Variants in HOXC5 observed in about 807,000 individuals in gnomAD.
HOXC5 encodes homeobox C5.
HOXC5 carries 19 observed loss-of-function variants against 20.1 expected under a neutral mutation model. The observed-to-expected ratio is 0.94, with a 90% CI of 0.66 to 1.38. The LOEUF is 1.38. HOXC5 is among the 40% of genes most tolerant of loss of function. HOXC5 has a pLI of 0.00. For synonymous variants in HOXC5, 124 were observed against 117.0 expected (o/e 1.06, Z -0.39); for missense variants, 330 against 300.1 (o/e 1.10, Z -0.74).
upstream of HOXC5, chr12:54,028,994 G>T: frequency 6.9e-7 from 1 of 1,443,888 alleles, no homozygotes; most frequent in South Asian, 1.3e-5. Context: ...CTAGAAGAAC[G>T]GGCGGAGAGA....
At chr12:54,023,735 C>T in the HOXC5 span, among the ~76,000 whole-genome samples, 2 of 152,216 alleles carry the variant, frequency 1.3e-5, no homozygotes, top group Admixed American at 6.5e-5. Context: ...TTTCACTTCT[C>T]TCCATGCCTA....
At chr12:54,021,941 T>G in the HOXC5 span, 1 of 152,226 alleles carries the variant, frequency 6.6e-6, no homozygotes, top group East Asian at 1.9e-4. Flanking sequence ...CCTCACAAGC[T>G]CCTGCATTCT....
At chr12:54,026,504 C>T in the HOXC5 span, among the ~76,000 whole-genome samples, 1 of 152,182 alleles carries the variant, frequency 6.6e-6, no homozygotes, top group Admixed American at 6.5e-5. Context: ...ACCCTTTCCC[C>T]TTCATTTCCT....
chr12:54,032,007 G>A (rs1941004972), upstream of HOXC5, among the ~76,000 whole-genome samples: 2 of 152,278 alleles, frequency 1.3e-5, no homozygotes, highest in Middle Eastern at 6.8e-3. Context: ...CCATGCTCAC[G>A]TAATATTTGT....
chr12:54,031,833 T>C (rs1265576573), upstream of HOXC5, among the ~76,000 whole-genome samples: 1 of 152,158 alleles, frequency 6.6e-6, no homozygotes, highest in Non-Finnish European at 1.5e-5. Context: ...GCAGATACCC[T>C]GCGAAGGCTA....
In HOXC5 at chr12:54,034,523, C is replaced by A; in HGVS notation, c.*31C>A. 6.4e-7 allele frequency: 1 copy of A among 1,573,936 alleles called. No homozygotes were observed. The highest frequency in any genetic ancestry group is 8.7e-7 in the Non-Finnish European group (1 of 1,146,370). On this transcript the variant is annotated 3_prime_UTR_variant, in exon 2 of 2. Transcript: ENST00000312492. ...GCGGGGGAGGCCCGCAGAGCGCGCC[C>A]CTAGCCGGTTCCTGTCCCTGCGCCT...
intron 1 of HOXC5, 78 bp downstream of exon 1, chr12:54,033,654 A>T: frequency 8.0e-7 from 1 of 1,249,228 alleles, no homozygotes; most frequent in African/African-American, 1.5e-5. Context: ...AAAGAAAAAA[A>T]ACCTGCGGCC....
At chr12:54,032,353 T>G (rs888759565), upstream of HOXC5, among the ~76,000 whole-genome samples, 7 of 152,248 alleles carry the variant, frequency 4.6e-5, no homozygotes, top group African/African-American at 7.2e-5. Context: ...CTTCAGAAGC[T>G]AATTCTACTT....
At chr12:54,022,397 G>A in the HOXC5 span, 4 of 152,312 alleles carry the variant, frequency 2.6e-5, no homozygotes, top group East Asian at 5.8e-4. Context: ...CCTGCCAGGT[G>A]TAGAGTCAGA....
chr12:54,025,532 G>T, the HOXC5 span, among the ~76,000 whole-genome samples: 1 of 46,944 alleles, frequency 2.1e-5, no homozygotes, highest in Non-Finnish European at 5.5e-5. Context: ...GTAATTGGGG[G>T]GGGGGGAGGT....
In HOXC5 at chr12:54,033,184, T is replaced by C. The variant is rs754872705; in HGVS notation, c.62T>C (p.Met21Thr). The change falls in exon 1 of 2, where the codon ATG (methionine) becomes ACG (threonine). Residue 21 changes from methionine to threonine, a missense_variant. Met to Thr is a moderately conservative substitution (Grantham distance 81, BLOSUM62 -1). Transcript: ENST00000312492. ...AGCCCCAATATCCCTGCCTATAACA[T>C]GCAAACTTGTGGGAACTATGGATCG... ...KQSPNIPAYN[M>T]QTCGNYGSAS... 2 of 1,614,046 alleles carry C rather than the reference T, an allele frequency of 1.2e-6. No homozygotes were observed. The highest frequency in any genetic ancestry group is 1.7e-6 in the Non-Finnish European group (2 of 1,180,044).
At chr12:54,024,272 G>T in the HOXC5 span, among the ~76,000 whole-genome samples, 3 of 152,158 alleles carry the variant, frequency 2.0e-5, no homozygotes, top group Non-Finnish European at 4.4e-5. Flanking sequence ...AGCTGCGGTC[G>T]CGTCCAGGCA....
rs1225129849 is a variant in HOXC5 at position 54,033,156 on chromosome 12, C to T, written c.34C>T (p.Gln12Ter). 1.2e-6 allele frequency: 2 copies of T among 1,613,688 alleles called. No homozygotes were observed. Among genetic ancestry groups the T allele is most frequent in the African/African-American group, 2.7e-5 (2 of 75,036 alleles). ...CTACGTAGCCAATTCATTCTATAAGCAGAGCCCCAATATCCCTGCCTATAA... is the reference window on the plus strand; with the variant it reads ...CTACGTAGCCAATTCATTCTATAAGTAGAGCCCCAATATCCCTGCCTATAA... ...SSYVANSFYK[Q>*]SPNIPAYNMQ... is the part of the protein sequence containing the mutation. The change falls in exon 1 of 2, where the codon CAG (glutamine) becomes TAG (stop). Residue 12 changes from glutamine (Q) to a stop codon, truncating the protein, a stop_gained. Coordinates refer to ENST00000312492, the MANE Select transcript of HOXC5 (RefSeq NM_018953.4). LOFTEE classifies it high-confidence loss of function.
At chr12:54,028,444 C>G, upstream of HOXC5, 8 of 1,468,956 alleles carry the variant, frequency 5.4e-6, no homozygotes, top group Non-Finnish European at 7.4e-6. Flanking sequence ...GTCCCTATAA[C>G]CATCTAGTTC....
intron 1 of HOXC5, 71 bp from the exon 2 acceptor site, chr12:54,034,207 C>A: frequency 7.2e-7 from 1 of 1,392,236 alleles, no homozygotes; most frequent in Non-Finnish European, 1.0e-6. Context: ...GGGGCCTGGG[C>A]TGGGGTGGGG....
upstream of HOXC5, among the ~76,000 whole-genome samples, chr12:54,032,439 T>G (rs1941021292): frequency 2.0e-5 from 3 of 152,230 alleles, no homozygotes; most frequent in South Asian, 6.2e-4. Flanking sequence ...TACCTTTGGT[T>G]TAGGGAACCT....
chr12:54,033,915 C>G, intron 1 of HOXC5: 1 of 448,174 alleles, frequency 2.2e-6, no homozygotes, highest in Non-Finnish European at 4.2e-6. Flanking sequence ...GGAGCCGGCT[C>G]CGCCGGCGCT....
Position 54,033,232 on chromosome 12 carries a change from G to A in HOXC5, c.110G>A (p.Arg37Lys). The A allele has an allele frequency of 6.2e-7, 1 of 1,614,188 alleles. No individual in the cohort carries two copies. The highest frequency in any genetic ancestry group is 1.3e-5 in the African/African-American group (1 of 75,052). ...TCGGCCTCAGAGGTGCAGGCATCCA[G>A]GTACTGCTACGGCGGATTGGACTTA... is the stretch of plus-strand genomic sequence containing the variant. ...YGSASEVQAS[R>K]YCYGGLDLSI... is the part of the protein sequence containing the mutation. Residue 37 changes from arginine (R) to lysine (K), a missense_variant, in exon 1 of 2, where the codon AGG becomes AAG. Arg to Lys is a conservative substitution (Grantham distance 26). Coordinates refer to ENST00000312492, the MANE Select transcript of HOXC5 (RefSeq NM_018953.4).
At chr12:54,025,501 T>A in the HOXC5 span, among the ~76,000 whole-genome samples, 2 of 139,180 alleles carry the variant, frequency 1.4e-5, no homozygotes, top group Non-Finnish European at 3.1e-5. Context: ...AGAGGGCTTC[T>A]TCTTTCCTCA....
Sources: allele counts gnomAD v4.1 joint callset (sites outside exome capture counted in the v4.1 genomes callset), GRCh38; gene constraint gnomAD v4.1.1; transcripts MANE v1.5; gene names NCBI Gene and HGNC (gene_info 2026-07-23, HGNC 2026-07-21).